The following ZNF385D variants were observed in gnomAD, a reference collection of about 807,000 sequenced individuals.
ZNF385D encodes the protein zinc finger protein 385D.
Under a neutral mutation model 35.8 loss-of-function variants are expected in ZNF385D, and 15 were observed. The observed-to-expected ratio is 0.42, with a 90% CI of 0.28 to 0.64. The LOEUF is 0.64. ZNF385D is among the 30% of genes least tolerant of loss of function. ZNF385D has a pLI of 0.23. For missense variants in ZNF385D, 474 were observed against 494.6 expected, an observed-to-expected ratio of 0.96 and a Z score of 0.39; for synonymous variants, 212 against 186.8, an observed-to-expected ratio of 1.13 and a Z score of -1.10.
At chr3:21,909,500 C>A (rs1372340159) in intron 3 of ZNF385D, among the ~76,000 whole-genome samples, 1 of 152,024 alleles carries the variant, frequency 6.6e-6, no homozygotes, top group African/African-American at 2.4e-5. Context: ...TTGTAACAAT[C>A]ATTTTGTCTT....
intron 2 of ZNF385D, among the ~76,000 whole-genome samples, chr3:21,597,447 C>G (rs1215324837): frequency 6.6e-6 from 1 of 151,654 alleles, no homozygotes; most frequent in Non-Finnish European, 1.5e-5. Context: ...TGAATGGACA[C>G]CCAGTATTGG....
At chr3:22,080,282 G>C (rs567916227) in intron 3 of ZNF385D, among the ~76,000 whole-genome samples, 5 of 152,076 alleles carry the variant, frequency 3.3e-5, no homozygotes, top group Admixed American at 6.6e-5. Flanking sequence ...TAATGATCTT[G>C]TGTCAGTCAC....
At chr3:22,077,716 G>C (rs928596195) in intron 3 of ZNF385D, among the ~76,000 whole-genome samples, 1 of 151,984 alleles carries the variant, frequency 6.6e-6, no homozygotes, top group African/African-American at 2.4e-5. Flanking sequence ...ATGTTTTAGA[G>C]TGCAGTTGTA....
chr3:21,597,547 A>G (rs1176436632), intron 2 of ZNF385D, among the ~76,000 whole-genome samples: 1 of 152,142 alleles, frequency 6.6e-6, no homozygotes, highest in Non-Finnish European at 1.5e-5. Flanking sequence ...GAAGACTTAA[A>G]TGGAAAACAG....
intron 3 of ZNF385D, among the ~76,000 whole-genome samples, chr3:21,541,860 A>C (rs2125563851): frequency 6.6e-6 from 1 of 152,306 alleles, no homozygotes; most frequent in Non-Finnish European, 1.5e-5. Context: ...ATACTTTAAG[A>C]AGTGTATACA....
In ZNF385D at chr3:21,419,832, T is replaced by C. The variant is rs867039106; in HGVS notation, c.*1382A>G. On this transcript the variant is annotated 3_prime_UTR_variant, in exon 8 of 8. Coordinates refer to ENST00000281523, the MANE Select transcript of ZNF385D (RefSeq NM_024697.3). ...GATTTTTTCTTTTTATAACTTATTC[T>C]CTTAATCTTTCTAACATATATACAA... is the stretch of plus-strand genomic sequence containing the variant. 8 of 151,950 alleles carry C rather than the reference T, an allele frequency of 5.3e-5. No individual in the cohort carries two copies. In the South Asian group the frequency reaches 1.7e-3, roughly 31 times the overall value. 9.4% of individuals were successfully genotyped at this position (151,950 alleles called of 1,614,324 possible). A position where few individuals can be genotyped will look rare whatever the true frequency, so the allele number is the denominator to read the frequency against.
intron 3 of ZNF385D, among the ~76,000 whole-genome samples, chr3:21,888,989 G>C (rs1422677233): frequency 6.6e-6 from 1 of 152,186 alleles, no homozygotes; most frequent in African/African-American, 2.4e-5. Flanking sequence ...GAGATACTCA[G>C]GAAACTATAG....
chr3:22,224,568 G>A (rs537171090), intron 2 of ZNF385D, among the ~76,000 whole-genome samples: 4 of 152,160 alleles, frequency 2.6e-5, no homozygotes, highest in Non-Finnish European at 4.4e-5. Context: ...GAAATGATAG[G>A]AAGCCCATGG....
intron 2 of ZNF385D, among the ~76,000 whole-genome samples, chr3:21,632,595 G>C (rs542706357): frequency 1.3e-5 from 2 of 152,232 alleles, no homozygotes; most frequent in South Asian, 4.1e-4. Context: ...GTTTTGCTCT[G>C]GGAGATTGAA....
chr3:22,216,273 A>C (rs1364290767), intron 2 of ZNF385D, among the ~76,000 whole-genome samples: 2 of 152,134 alleles, frequency 1.3e-5, no homozygotes, highest in South Asian at 4.1e-4. Context: ...TTAAAATTTT[A>C]TAATTTCATG....
At chr3:22,245,383 A>G (rs966662786) in intron 2 of ZNF385D, among the ~76,000 whole-genome samples, 8 of 151,532 alleles carry the variant, frequency 5.3e-5, no homozygotes, top group Admixed American at 5.3e-4. Context: ...TGCTACTTAC[A>G]CTGCAGCAAA....
rs537924832 is a variant in ZNF385D, at chr3:21,724,828, C to G, written c.22+26067G>C. Among the ~76,000 whole-genome samples the G allele has an allele frequency of 2.0e-5, 3 of 152,166 alleles. No individual in the cohort carries two copies. In the East Asian group the frequency reaches 5.8e-4, roughly 29 times the overall value. ...GACTTGAACTCAGCTCTGGACCAAGCAGACCTAATAGACATCTACACAACT... is the reference window on the plus strand; with the variant it reads ...GACTTGAACTCAGCTCTGGACCAAGGAGACCTAATAGACATCTACACAACT... On this transcript the variant is annotated intron_variant, in intron 1 of 7. Coordinates refer to ENST00000281523, the MANE Select transcript of ZNF385D (RefSeq NM_024697.3).
intron 3 of ZNF385D, among the ~76,000 whole-genome samples, chr3:21,842,429 A>G (rs1358676563): frequency 6.6e-6 from 1 of 152,002 alleles, no homozygotes; most frequent in Non-Finnish European, 1.5e-5. Flanking sequence ...CCTTGAATCC[A>G]GCCGTTATGA....
intron 2 of ZNF385D, among the ~76,000 whole-genome samples, chr3:21,638,832 A>T (rs2065520670): frequency 1.3e-5 from 2 of 152,116 alleles, no homozygotes; most frequent in South Asian, 2.1e-4. Flanking sequence ...CTTGTACTGG[A>T]ATTTGACAAG....
At chr3:22,059,010 C>A (rs1421663028) in intron 3 of ZNF385D, among the ~76,000 whole-genome samples, 1 of 152,156 alleles carries the variant, frequency 6.6e-6, no homozygotes, top group Non-Finnish European at 1.5e-5. Flanking sequence ...AAACCTCCTA[C>A]TAGGTCTGAT....
At chr3:22,153,251 G>A (rs561220853) in intron 3 of ZNF385D, among the ~76,000 whole-genome samples, 41 of 151,988 alleles carry the variant, frequency 2.7e-4, no homozygotes, top group Non-Finnish European at 4.9e-4. Flanking sequence ...GCCCTCTTAG[G>A]TACTCTATAG....
chr3:21,798,799 ATT>A (rs2072269192), intron 3 of ZNF385D, among the ~76,000 whole-genome samples: 1 of 152,146 alleles, frequency 6.6e-6, no homozygotes, highest in East Asian at 1.9e-4. Flanking sequence ...GTGATACTTT[ATT>A]TTATAAAGTA....
intron 3 of ZNF385D, among the ~76,000 whole-genome samples, chr3:21,821,407 C>T (rs577298111): frequency 2.6e-5 from 4 of 152,114 alleles, no homozygotes; most frequent in African/African-American, 9.6e-5. Flanking sequence ...ATACTCCCAC[C>T]TAATAAAAGT....
intron 3 of ZNF385D, among the ~76,000 whole-genome samples, chr3:21,817,340 T>A (rs944708162): frequency 6.6e-6 from 1 of 152,160 alleles, no homozygotes; most frequent in Non-Finnish European, 1.5e-5. Context: ...AAATGGGATC[T>A]AATTAAATAA....
Sources: gnomAD v4.1 joint callset for allele counts (sites outside exome capture counted in the v4.1 genomes callset) on GRCh38, gnomAD v4.1.1 for gene constraint, MANE v1.5 for transcripts, NCBI Gene and HGNC (gene_info 2026-07-23, HGNC 2026-07-21) for gene names.